N4BP2: variants seen among roughly 807,000 people sequenced by gnomAD.
N4BP2 encodes the protein NEDD4 binding protein 2.
Under a neutral mutation model 152.8 loss-of-function variants are expected in N4BP2, and 91 were observed. The ratio of observed to expected loss-of-function variants is 0.60; its 90% CI spans 0.50 to 0.71. The LOEUF (loss-of-function observed/expected upper bound fraction) is 0.71. Among genes scored for constraint, N4BP2 ranks in the 30% least tolerant of loss-of-function variants. The pLI is 0.00. For synonymous variants in N4BP2, 646 were observed against 705.3 expected, an observed-to-expected ratio of 0.92 and a Z score of 1.33; for missense variants, 1,923 against 2,059.1, an observed-to-expected ratio of 0.93 and a Z score of 1.28.
chr4:40,160,776 G>T (rs1371326035), downstream of N4BP2, among the ~76,000 whole-genome samples: 1 of 152,178 alleles, frequency 6.6e-6, no homozygotes, highest in Non-Finnish European at 1.5e-5. Context: ...TGATAAAGGG[G>T]CTTAGGTCAG....
chr4:40,119,065 G>A (rs1717611039), intron 8 of N4BP2, among the ~76,000 whole-genome samples: 1 of 152,072 alleles, frequency 6.6e-6, no homozygotes, highest in Admixed American at 6.6e-5. Flanking sequence ...ATATTTCCTG[G>A]GTTCAAAAAG....
chr4:40,155,553 TG>T lies in N4BP2; in HGVS notation c.*1317del. The stretch of plus-strand genomic sequence containing the variant: ...TGTTGTTTGGTTAGCTAATAAATTC[TG>T]TTAGTATGCAAGTTAAACCTGTGTA... On this transcript the variant is annotated 3_prime_UTR_variant, in exon 18 of 18. Coordinates refer to ENST00000261435, the MANE Select transcript of N4BP2 (RefSeq NM_018177.6). 1 of 152,228 alleles carries T rather than the reference TG, an allele frequency of 6.6e-6. No individual in the cohort carries two copies. The highest frequency in any genetic ancestry group is 1.5e-5 in the Non-Finnish European group (1 of 68,038). The allele number at this position is 152,228 out of a possible 1,614,324, so 9.4% of individuals were successfully genotyped here.
chr4:40,148,710 G>A (rs114491797), intron 16 of N4BP2, among the ~76,000 whole-genome samples: 4,456 of 152,048 alleles, frequency 0.029, 120 homozygotes, highest in South Asian at 0.079. Flanking sequence ...GACTGGTCTC[G>A]AACTTCTGGG....
intron 11 of N4BP2, 39 bp downstream of exon 11, chr4:40,124,244 A>G: frequency 6.6e-7 from 1 of 1,509,256 alleles, no homozygotes; most frequent in Non-Finnish European, 9.1e-7. Flanking sequence ...CTTAATGTTG[A>G]AATTTGGTGT....
chr4:40,111,128 G>T (rs1436311778), intron 5 of N4BP2, among the ~76,000 whole-genome samples: 8 of 152,002 alleles, frequency 5.3e-5, no homozygotes, highest in Non-Finnish European at 1.0e-4. Context: ...TTAGATATAT[G>T]GAAAAGTTGC....
intron 12 of N4BP2, among the ~76,000 whole-genome samples, chr4:40,127,495 A>G (rs1055136816): frequency 1.3e-5 from 2 of 152,064 alleles, no homozygotes; most frequent in Admixed American, 6.6e-5. Flanking sequence ...GATTATCAAC[A>G]TGAACCACCA....
intron 4 of N4BP2, among the ~76,000 whole-genome samples, chr4:40,105,790 G>A (rs1316528426): frequency 1.3e-5 from 2 of 151,962 alleles, no homozygotes; most frequent in East Asian, 3.9e-4. Flanking sequence ...GGCTCAAGCA[G>A]TCTTCCCACC....
intron 2 of N4BP2, among the ~76,000 whole-genome samples, chr4:40,083,985 G>A (rs1003190030): frequency 6.6e-6 from 1 of 152,190 alleles, no homozygotes; most frequent in Non-Finnish European, 1.5e-5. Context: ...TTCAGACGGG[G>A]TCTCACTCTG....
chr4:40,163,272 G>C, the N4BP2 span, among the ~76,000 whole-genome samples: 1 of 152,158 alleles, frequency 6.6e-6, no homozygotes, highest in African/African-American at 2.4e-5. Context: ...ATAACCACCC[G>C]CTGGGGTAGG....
chr4:40,177,344 G>C, the N4BP2 span, among the ~76,000 whole-genome samples: 1 of 152,118 alleles, frequency 6.6e-6, no homozygotes, highest in Admixed American at 6.6e-5. Flanking sequence ...GGCCCGGCAC[G>C]GTGGTTCACG....
intron 1 of N4BP2, among the ~76,000 whole-genome samples, chr4:40,062,401 C>T (rs1733732597): frequency 6.6e-6 from 1 of 152,140 alleles, no homozygotes; most frequent in South Asian, 2.1e-4. Context: ...AGTATCATGT[C>T]TCACCTGGGT....
chr4:40,103,906 C>T (rs1158766045), intron 4 of N4BP2, among the ~76,000 whole-genome samples: 1 of 152,082 alleles, frequency 6.6e-6, no homozygotes, highest in African/African-American at 2.4e-5. Flanking sequence ...CCTCTCTATC[C>T]CTGCTTAACC....
chr4:40,075,441 T>G (rs1038211253), intron 2 of N4BP2, among the ~76,000 whole-genome samples: 6 of 152,114 alleles, frequency 3.9e-5, no homozygotes, highest in African/African-American at 1.4e-4. Context: ...CTCTGTCGCC[T>G]AGGCTGGAGT....
chr4:40,170,050 G>A, the N4BP2 span, among the ~76,000 whole-genome samples: 3 of 149,696 alleles, frequency 2.0e-5, no homozygotes, highest in African/African-American at 7.4e-5. Context: ...ATTTAGAAAA[G>A]ATAAAAAAAT....
chr4:40,105,400 T>C lies in N4BP2; in HGVS notation c.1374-1500T>C, dbSNP rs191007045. Among the ~76,000 whole-genome samples the C allele has an allele frequency of 2.0e-5, 3 of 151,490 alleles. No homozygotes were observed. In the East Asian group the frequency reaches 5.8e-4, roughly 29 times the overall value. Reference sequence around the variant, plus strand: ...GTGCAGTGGTGTGATCTCAGCTTACTGCAACCTCCACCTCCCCAGGTTTAT... The same window carrying C: ...GTGCAGTGGTGTGATCTCAGCTTACCGCAACCTCCACCTCCCCAGGTTTAT... On this transcript the variant is annotated intron_variant, in intron 4 of 17. Transcript: ENST00000261435.
At chr4:40,152,138 A>G (rs1474439819) in intron 16 of N4BP2, among the ~76,000 whole-genome samples, 1 of 152,222 alleles carries the variant, frequency 6.6e-6, no homozygotes, top group Admixed American at 6.5e-5. Flanking sequence ...AAAGTTTGTT[A>G]ACAATTGATT....
In N4BP2 at chr4:40,137,243, C is replaced by A. The variant is rs867707167; in HGVS notation, c.4785+161C>A. On this transcript the variant is annotated intron_variant, in intron 14 of 17. Coordinates refer to ENST00000261435, the MANE Select transcript of N4BP2 (RefSeq NM_018177.6). ...ATTTGGCTTATAATATCTGTGCACT[C>A]AAAATAATGAATTTATAGCTGATTT... Among the ~76,000 whole-genome samples the A allele has an allele frequency of 1.4e-4, 21 of 152,282 alleles. No individual in the cohort carries two copies. The South Asian group carries it at 2.1e-3, about 15-fold the overall frequency.
rs1474073342 is a variant in N4BP2 at position 40,093,822 on chromosome 4, A to G, written c.-114-3405A>G. On this transcript the variant is annotated intron_variant, in intron 2 of 17. Transcript: ENST00000261435. ...ACCATGTTGGCCAGGCTGGTCTTGA[A>G]CTCCTGACCTCAGGCGATCCACCCA... Among the ~76,000 whole-genome samples, 5 of 150,864 alleles carry G rather than the reference A, an allele frequency of 3.3e-5. No individual in the cohort carries two copies. The East Asian group carries it at 9.8e-4, about 30-fold the overall frequency.
In N4BP2 at chr4:40,121,338, C is replaced by G; in HGVS notation, c.3227C>G (p.Thr1076Arg). ...IPYRVMYDKS[T>R]FVEESELTSA... ...TATAGAGTAATGTATGATAAAAGCA[C>G]GTTTGTTGAAGAAAGTGAGCTTACC... Residue 1076 changes from threonine to arginine, a missense_variant, in exon 9 of 18, where the codon ACG becomes AGG. Coordinates refer to ENST00000261435, the MANE Select transcript of N4BP2 (RefSeq NM_018177.6). 1.2e-6 allele frequency: 2 copies of G among 1,613,830 alleles called. No individual in the cohort carries two copies. The highest frequency in any genetic ancestry group is 1.7e-6 in the Non-Finnish European group (2 of 1,179,918).
Sources: allele counts gnomAD v4.1 joint callset (sites outside exome capture counted in the v4.1 genomes callset), GRCh38; gene constraint gnomAD v4.1.1; transcripts MANE v1.5; gene names NCBI Gene and HGNC (gene_info 2026-07-23, HGNC 2026-07-21).